CDK13: variants seen among roughly 807,000 people sequenced by gnomAD.
CDK13 encodes the protein cyclin dependent kinase 13, also known as cyclin-dependent kinase 13.
CDK13 carries 40 observed loss-of-function variants against 137.6 expected under a neutral mutation model. The ratio of observed to expected loss-of-function variants is 0.29; its 90% CI spans 0.23 to 0.38. The LOEUF (loss-of-function observed/expected upper bound fraction) is 0.38. CDK13 is among the 10% of genes least tolerant of loss of function. The pLI, the probability that CDK13 is intolerant of heterozygous loss-of-function variation, is 1.00. For missense variants in CDK13, 1,704 were observed against 1,951.8 expected, an observed-to-expected ratio of 0.87 and a Z score of 2.39; for synonymous variants, 869 against 760.1, an observed-to-expected ratio of 1.14 and a Z score of -2.36.
At chr7:39,983,212 G>A (rs998873507) in intron 1 of CDK13, among the ~76,000 whole-genome samples, 2 of 152,086 alleles carry the variant, frequency 1.3e-5, no homozygotes, top group African/African-American at 4.8e-5. Context: ...TTTAAGGAAG[G>A]GATCCAGTTT....
At chr7:39,965,339 T>C (rs1336197128) in intron 1 of CDK13, among the ~76,000 whole-genome samples, 1 of 152,174 alleles carries the variant, frequency 6.6e-6, no homozygotes, top group Non-Finnish European at 1.5e-5. Context: ...GATAGTTAGC[T>C]CTTGTTGAAT....
intron 9 of CDK13, among the ~76,000 whole-genome samples, chr7:40,074,569 G>A (rs1336334587): frequency 6.6e-6 from 1 of 150,842 alleles, no homozygotes; most frequent in Non-Finnish European, 1.5e-5. Flanking sequence ...CTAAAAACAT[G>A]TTTAAGGCTG....
chr7:40,018,937 C>A (rs1214413541), intron 5 of CDK13, among the ~76,000 whole-genome samples: 3 of 152,070 alleles, frequency 2.0e-5, no homozygotes, highest in African/African-American at 7.2e-5. Context: ...CAAGAATGTT[C>A]TTCATTGTAT....
intron 1 of CDK13, among the ~76,000 whole-genome samples, chr7:39,959,221 G>T (rs1285300901): frequency 1.3e-5 from 2 of 151,410 alleles, no homozygotes; most frequent in Non-Finnish European, 2.9e-5. Context: ...GGCTGGAATG[G>T]TGCGATCTCG....
chr7:40,053,226 CT>C (rs1290537882), intron 7 of CDK13, among the ~76,000 whole-genome samples: 2 of 152,136 alleles, frequency 1.3e-5, no homozygotes, highest in Non-Finnish European at 2.9e-5. Context: ...TTCTTCTGGT[CT>C]CCAGACCTTT....
intron 5 of CDK13, among the ~76,000 whole-genome samples, chr7:40,038,718 G>A (rs956522555): frequency 6.6e-6 from 1 of 151,928 alleles, no homozygotes; most frequent in Non-Finnish European, 1.5e-5. Flanking sequence ...ATTTTGAGAC[G>A]GAGTTTCGCT....
chr7:40,082,445 C>G (rs1786685388), intron 11 of CDK13, among the ~76,000 whole-genome samples: 1 of 144,366 alleles, frequency 6.9e-6, no homozygotes, highest in Non-Finnish European at 1.5e-5. Context: ...AAGATGGCGC[C>G]ACTGCACTCC....
At chr7:40,086,717 T>G (rs1391249314) in intron 11 of CDK13, among the ~76,000 whole-genome samples, 1 of 152,178 alleles carries the variant, frequency 6.6e-6, no homozygotes, top group Non-Finnish European at 1.5e-5. Context: ...TAGCATCAGT[T>G]TAATTCTAGA....
chr7:40,039,434 A>ATTTTTTTTTTTTTTTTTTTTT lies in CDK13; in HGVS notation c.2354-6399_2354-6379dup, dbSNP rs976319927. Among the ~76,000 whole-genome samples, 7 of 85,000 alleles carry ATTTTTTTTTTTTTTTTTTTTT rather than the reference A, an allele frequency of 8.2e-5. 1 individual carries two copies. The highest frequency in any genetic ancestry group is 3.9e-4 in the African/African-American group (7 of 18,014). 55.8% of individuals were successfully genotyped at this position (85,000 alleles called of 152,430 possible). On this transcript the variant is annotated intron_variant, in intron 5 of 13. Transcript: ENST00000181839. The stretch of plus-strand genomic sequence containing the variant: ...AGGTGCCCACGACCATGCCCGGCTA[A>ATTTTTTTTTTTTTTTTTTTTT]TTTTTTTTTTTTTTTTTTTTTTTGC...
intron 5 of CDK13, among the ~76,000 whole-genome samples, chr7:40,011,858 G>A (rs892007872): frequency 2.0e-5 from 3 of 152,094 alleles, no homozygotes; most frequent in Non-Finnish European, 4.4e-5. Context: ...CACTTAGAAC[G>A]GGGAAGATAT....
At chr7:39,982,682 T>C (rs1162315331) in intron 1 of CDK13, among the ~76,000 whole-genome samples, 1 of 152,198 alleles carries the variant, frequency 6.6e-6, no homozygotes, top group Non-Finnish European at 1.5e-5. Flanking sequence ...CACCTGTTGT[T>C]TCCTGACTTT....
At chr7:40,004,335 C>T (rs1008399764) in intron 5 of CDK13, among the ~76,000 whole-genome samples, 5 of 152,148 alleles carry the variant, frequency 3.3e-5, no homozygotes, top group African/African-American at 1.2e-4. Context: ...GTGTTATTTG[C>T]ACCCTTCATC....
At chr7:39,959,378 C>G (rs574480434) in intron 1 of CDK13, among the ~76,000 whole-genome samples, 1 of 151,894 alleles carries the variant, frequency 6.6e-6, no homozygotes, top group African/African-American at 2.4e-5. Context: ...TCAGACTGGT[C>G]TCGAACTCCT....
In CDK13 at chr7:40,093,245, T is replaced by C; in HGVS notation, c.3688+8T>C. On this transcript the variant is annotated splice_region_variant and intron_variant, in intron 13 of 13. Transcript: ENST00000181839. ...CTAGCACTCCGGTGTCGGGTAAGTG[T>C]GCAGATACCAGACCACTAACACAGC... 6.3e-7 allele frequency: 1 copy of C among 1,599,950 alleles called. No homozygotes were observed. Among genetic ancestry groups the C allele is most frequent in the South Asian group, 1.1e-5 (1 of 89,548 alleles).
At chr7:39,976,887 A>T (rs1411387519) in intron 1 of CDK13, among the ~76,000 whole-genome samples, 1 of 152,176 alleles carries the variant, frequency 6.6e-6, no homozygotes, top group African/African-American at 2.4e-5. Context: ...TTATTCAGTG[A>T]ATAAAACACT....
chr7:40,000,788 A>G (rs953522700), intron 4 of CDK13, among the ~76,000 whole-genome samples: 7 of 152,238 alleles, frequency 4.6e-5, no homozygotes, highest in African/African-American at 1.7e-4. Context: ...TTAAAAGAAT[A>G]TGCTTCCTTC....
At chr7:40,093,823 T>C (rs1388695123) in intron 13 of CDK13, among the ~76,000 whole-genome samples, 2 of 151,590 alleles carry the variant, frequency 1.3e-5, no homozygotes, top group Non-Finnish European at 2.9e-5. Flanking sequence ...GGTGGATCAC[T>C]TGAGCCCAGG....
At chr7:40,012,274 A>G (rs537396962) in intron 5 of CDK13, among the ~76,000 whole-genome samples, 1 of 152,258 alleles carries the variant, frequency 6.6e-6, no homozygotes, top group Non-Finnish European at 1.5e-5. Flanking sequence ...TCAAAAATAG[A>G]ATTCTAGAAA....
intron 5 of CDK13, among the ~76,000 whole-genome samples, chr7:40,013,956 C>G (rs761814431): frequency 6.6e-6 from 1 of 150,632 alleles, no homozygotes; most frequent in Non-Finnish European, 1.5e-5. Flanking sequence ...CAAAAAACTT[C>G]TACTTTTTTC....
Sources: allele counts gnomAD v4.1 joint callset (sites outside exome capture counted in the v4.1 genomes callset), GRCh38; gene constraint gnomAD v4.1.1; transcripts MANE v1.5; gene names NCBI Gene and HGNC (gene_info 2026-07-23, HGNC 2026-07-21).